The following FAR2 variants were observed in gnomAD, a reference collection of about 807,000 sequenced individuals.
FAR2 encodes epididymis secretory protein Li 81.
Under a neutral mutation model 56.0 loss-of-function variants are expected in FAR2, and 19 were observed. That is an observed-to-expected ratio of 0.34 (90% CI 0.24 to 0.50). The LOEUF (loss-of-function observed/expected upper bound fraction) is 0.50. FAR2 is among the 20% of genes least tolerant of loss of function. FAR2 has a pLI of 0.98. For synonymous variants in FAR2, 219 were observed against 218.8 expected (o/e 1.00, Z -0.01); for missense variants, 508 against 642.2 (o/e 0.79, Z 2.26).
At chr12:29,254,072 G>A (rs1050157268) in intron 1 of FAR2, among the ~76,000 whole-genome samples, 38 of 152,206 alleles carry the variant, frequency 2.5e-4, no homozygotes, top group African/African-American at 8.9e-4. Context: ...CTCCCCAGCT[G>A]GGACCATTTC....
rs1949770394 is a variant in FAR2 at position 29,334,305 on chromosome 12, T to G, written c.*511T>G. ...CCCCACTGAAAATGTCTCTCTTTCT[T>G]TCTATGTTATACCCTGGAGTCCTGG... On this transcript the variant is annotated 3_prime_UTR_variant, in exon 12 of 12. Transcript: ENST00000536681. 6.6e-6 allele frequency: 1 copy of G among 152,194 alleles called. No individual in the cohort carries two copies. Among genetic ancestry groups the G allele is most frequent in the Admixed American group, 6.6e-5 (1 of 15,264 alleles). The allele number at this position is 152,194 out of a possible 1,614,324, so 9.4% of individuals were successfully genotyped here.
At chr12:29,163,605 T>C (rs1424306326) in intron 1 of FAR2, among the ~76,000 whole-genome samples, 1 of 152,220 alleles carries the variant, frequency 6.6e-6, no homozygotes, top group Non-Finnish European at 1.5e-5. Context: ...ATAGACTTAA[T>C]AAATATGATT....
In FAR2 at chr12:29,250,185, G is replaced by A. The variant is rs374779335; in HGVS notation, c.-38-20227G>A. ...AGTCTCTGTTTCAAGTGTTTAGTTG[G>A]TCAGGGTAACAAGATGTGTCTTCAC... On this transcript the variant is annotated intron_variant, in intron 1 of 11. Transcript: ENST00000536681. Among the ~76,000 whole-genome samples the A allele has an allele frequency of 5.0e-5, 7 of 140,420 alleles. No individual in the cohort carries two copies. In the East Asian group the frequency reaches 8.3e-4, roughly 17 times the overall value. The allele number at this position is 140,420 out of a possible 152,430, so 92.1% of individuals were successfully genotyped here. A position where few individuals can be genotyped will look rare whatever the true frequency, so the allele number is the denominator to read the frequency against.
chr12:29,318,217 G>C (rs1237571167), intron 9 of FAR2, among the ~76,000 whole-genome samples: 2 of 152,148 alleles, frequency 1.3e-5, no homozygotes, highest in Non-Finnish European at 2.9e-5. Flanking sequence ...CCAATGTAGA[G>C]TTTATCTAAA....
At chr12:29,214,143 A>G (rs1947591560) in intron 1 of FAR2, among the ~76,000 whole-genome samples, 1 of 152,226 alleles carries the variant, frequency 6.6e-6, no homozygotes, top group African/African-American at 2.4e-5. Flanking sequence ...AGAAGCTTTT[A>G]GCTTGGATGC....
intron 1 of FAR2, among the ~76,000 whole-genome samples, chr12:29,205,393 C>G (rs1451704253): frequency 6.6e-6 from 1 of 152,182 alleles, no homozygotes. Flanking sequence ...AAAATTTGTT[C>G]TCTTACCCTA....
intron 10 of FAR2, among the ~76,000 whole-genome samples, chr12:29,331,257 TGA>T (rs952352504): frequency 4.0e-5 from 6 of 151,600 alleles, no homozygotes; most frequent in Admixed American, 4.0e-4. Context: ...AAAAGTGATC[TGA>T]GAGTGCTGTA....
At chr12:29,275,251 T>TG (rs895345599) in intron 2 of FAR2, among the ~76,000 whole-genome samples, 6 of 150,624 alleles carry the variant, frequency 4.0e-5, no homozygotes, top group East Asian at 2.0e-4. Context: ...CAGGCAGGAG[T>TG]GGGGGTCACA....
intron 1 of FAR2, among the ~76,000 whole-genome samples, chr12:29,167,398 T>C (rs568473209): frequency 6.6e-6 from 1 of 152,320 alleles, no homozygotes; most frequent in African/African-American, 2.4e-5. Context: ...GAGGATGACA[T>C]GACATTCCCC....
intron 1 of FAR2, among the ~76,000 whole-genome samples, chr12:29,261,030 A>T (rs776337715): frequency 1.1e-4 from 16 of 152,202 alleles, no homozygotes; most frequent in Non-Finnish European, 2.1e-4. Context: ...CCCAAGAAGG[A>T]TTGATGCAAA....
At chr12:29,154,579 C>T (rs1468740547) in intron 1 of FAR2, among the ~76,000 whole-genome samples, 5 of 151,982 alleles carry the variant, frequency 3.3e-5, no homozygotes, top group South Asian at 2.1e-4. Context: ...GGACTATAGG[C>T]GCCCACCACC....
intron 1 of FAR2, among the ~76,000 whole-genome samples, chr12:29,246,635 C>T (rs1420638350): frequency 1.3e-5 from 2 of 151,960 alleles, no homozygotes; most frequent in Admixed American, 6.6e-5. Context: ...AGAACTATAT[C>T]GCAGAGTGTA....
At chr12:29,216,891 G>A (rs946178320) in intron 1 of FAR2, among the ~76,000 whole-genome samples, 8 of 152,164 alleles carry the variant, frequency 5.3e-5, no homozygotes, top group Non-Finnish European at 1.2e-4. Flanking sequence ...GTGTACAATG[G>A]TAGATGTGTG....
At chr12:29,246,296 C>T (rs1197535810) in intron 1 of FAR2, among the ~76,000 whole-genome samples, 1 of 151,706 alleles carries the variant, frequency 6.6e-6, no homozygotes, top group African/African-American at 2.4e-5. Context: ...AAAGCAAGAA[C>T]TCAGAGAAAA....
intron 4 of FAR2, among the ~76,000 whole-genome samples, chr12:29,305,079 T>TTGGCTGTATTA (rs1219873800): frequency 1.3e-5 from 2 of 152,194 alleles, no homozygotes; most frequent in African/African-American, 4.8e-5. Flanking sequence ...GATGGTCTGT[T>TTGGCTGTATTA]TGGCTGTATT....
At chr12:29,194,077 T>A (rs537392345) in intron 1 of FAR2, among the ~76,000 whole-genome samples, 1 of 152,322 alleles carries the variant, frequency 6.6e-6, no homozygotes, top group South Asian at 2.1e-4. Context: ...CTCCGTAGGT[T>A]AACCATTGAC....
chr12:29,162,591 T>C (rs1949791278), intron 1 of FAR2, among the ~76,000 whole-genome samples: 1 of 152,086 alleles, frequency 6.6e-6, no homozygotes, highest in Non-Finnish European at 1.5e-5. Flanking sequence ...CTCTAAAAAA[T>C]CAAAGTATAC....
intron 11 of FAR2, 133 bp from the exon 12 acceptor site, chr12:29,333,499 C>A: frequency 2.6e-6 from 2 of 783,272 alleles, no homozygotes; most frequent in Non-Finnish European, 2.0e-6. Context: ...ACCAATTGGC[C>A]AAGTTATATC....
chr12:29,198,515 C>T (rs1187337686), intron 1 of FAR2, among the ~76,000 whole-genome samples: 1 of 152,180 alleles, frequency 6.6e-6, no homozygotes, highest in African/African-American at 2.4e-5. Flanking sequence ...GTGTGAGCCA[C>T]CGCGCCTGGC....
Sources: allele counts gnomAD v4.1 joint callset (sites outside exome capture counted in the v4.1 genomes callset), GRCh38; gene constraint gnomAD v4.1.1; transcripts MANE v1.5; gene names NCBI Gene and HGNC (gene_info 2026-07-23, HGNC 2026-07-21).